Variants in POLQ observed in about 807,000 individuals in gnomAD.
POLQ encodes the protein DNA polymerase theta.
A neutral mutation model predicts 259.2 loss-of-function variants in POLQ; 233 were observed. The observed-to-expected ratio is 0.90, with a 90% CI of 0.81 to 1.00. The LOEUF (loss-of-function observed/expected upper bound fraction) is 1.00, where lower values mean the gene tolerates loss of function less well. Ranked by LOEUF, POLQ falls within the 50% of genes least tolerant of loss-of-function variation. POLQ has a pLI of 0.00. For synonymous variants in POLQ, 1,025 were observed against 1,048.8 expected (o/e 0.98, Z 0.44); for missense variants, 2,871 against 3,051.6 (o/e 0.94, Z 1.39).
intron 22 of POLQ, among the ~76,000 whole-genome samples, chr3:121,468,688 T>C (rs2047859269): frequency 6.6e-6 from 1 of 152,190 alleles, no homozygotes; most frequent in Non-Finnish European, 1.5e-5. Flanking sequence ...CAATGAGAAG[T>C]AATTTGATAA....
intron 25 of POLQ, among the ~76,000 whole-genome samples, chr3:121,453,458 T>C (rs1429670748): frequency 1.3e-5 from 2 of 152,122 alleles, no homozygotes; most frequent in East Asian, 3.9e-4. Context: ...CAGGAGGAAA[T>C]TCAAGCAAAA....
Position 121,539,454 on chromosome 3 carries a change from C to G in POLQ, c.610G>C (p.Glu204Gln), listed in dbSNP as rs1459626443. 3 of 1,603,354 alleles carry G rather than the reference C, an allele frequency of 1.9e-6. No individual in the cohort carries two copies. The highest frequency in any genetic ancestry group is 2.5e-6 in the Non-Finnish European group (3 of 1,177,100). Residue 204 changes from glutamate to glutamine, a missense_variant, in exon 4 of 30, where the codon GAA becomes CAA. Physicochemically the swap from Glu to Gln is conservative, Grantham distance 29 (BLOSUM62 2). Transcript: ENST00000264233. Reference sequence around the variant, plus strand: ...TTACCTAACAGATCCATCTTATTTTCCTCTATGAGGCGATTGATCAGACCA... The same window carrying G: ...TTACCTAACAGATCCATCTTATTTTGCTCTATGAGGCGATTGATCAGACCA... ...ANGLINRLIE[E>Q]NKMDLLGMVV...
chr3:121,445,227 T>C (rs1244689094), intron 26 of POLQ, among the ~76,000 whole-genome samples: 2 of 152,198 alleles, frequency 1.3e-5, no homozygotes, highest in South Asian at 2.1e-4. Flanking sequence ...AGGGAAGCCA[T>C]TGAGTCCCAG....
chr3:121,534,590 G>C (rs1341752997), intron 5 of POLQ, among the ~76,000 whole-genome samples: 1 of 152,110 alleles, frequency 6.6e-6, no homozygotes, highest in East Asian at 1.9e-4. Flanking sequence ...CAAAGTGCTG[G>C]GATTACAGGC....
chr3:121,446,421 T>C (rs1576399133), intron 26 of POLQ, among the ~76,000 whole-genome samples: 2 of 152,338 alleles, frequency 1.3e-5, no homozygotes, highest in East Asian at 1.9e-4. Flanking sequence ...TTAAATGAAA[T>C]GTTCTGTAAA....
chr3:121,494,445 G>A (rs2048097582), intron 14 of POLQ: 2 of 1,523,634 alleles, frequency 1.3e-6, no homozygotes, highest in Non-Finnish European at 1.8e-6. Context: ...AAGAAGCAGA[G>A]GCTGTTGGCC....
chr3:121,455,003 G>C (rs939397731), intron 25 of POLQ, among the ~76,000 whole-genome samples: 3 of 152,102 alleles, frequency 2.0e-5, no homozygotes, highest in African/African-American at 7.2e-5. Flanking sequence ...CTCAGCAAAT[G>C]TAAAAGAACA....
At chr3:121,465,117 T>C (rs550295857) in intron 24 of POLQ, among the ~76,000 whole-genome samples, 1 of 151,770 alleles carries the variant, frequency 6.6e-6, no homozygotes, top group Non-Finnish European at 1.5e-5. Context: ...CATAGGGTCT[T>C]GCTTTTTCGC....
At chr3:121,435,336 AAAGT>A (rs1419058418) in intron 28 of POLQ, among the ~76,000 whole-genome samples, 5 of 152,234 alleles carry the variant, frequency 3.3e-5, no homozygotes, top group Non-Finnish European at 7.3e-5. Context: ...AAATATTCTG[AAAGT>A]AAGAACAAGA....
In POLQ at chr3:121,490,362, G is replaced by A. The variant is rs1209570313; in HGVS notation, c.2569C>T (p.Arg857Cys). 3.0e-5 allele frequency: 48 copies of A among 1,614,086 alleles called. No individual in the cohort carries two copies. The highest frequency in any genetic ancestry group is 4.5e-5 in the East Asian group (2 of 44,896). The stretch of plus-strand genomic sequence containing the variant: ...GTCACCCAGATAGTTCGCATATTGC[G>A]ACGTTCTTCAACTGCTTCCTCTTCC... ...DEEEEAVEER[R>C]NMRTIWVTGR... Residue 857 changes from arginine (R) to cysteine (C), a missense_variant, in exon 16 of 30, where the codon CGC becomes TGC. Around this residue, in one of 3 missense-constraint regions of POLQ, gnomAD observed 2,080 missense variants for 2,126.0 expected, o/e 0.98. Transcript: ENST00000264233.
chr3:121,470,986 A>G (rs947757244), intron 22 of POLQ, among the ~76,000 whole-genome samples: 3 of 152,172 alleles, frequency 2.0e-5, no homozygotes, highest in Admixed American at 6.5e-5. Context: ...GAGGTTAAGT[A>G]TCTTGTCTAA....
At chr3:121,528,402 G>C (rs935103390) in intron 7 of POLQ, among the ~76,000 whole-genome samples, 5 of 150,554 alleles carry the variant, frequency 3.3e-5, no homozygotes, top group Admixed American at 2.0e-4. Context: ...GGAGTGCAAT[G>C]GCATGATCTC....
intron 26 of POLQ, among the ~76,000 whole-genome samples, chr3:121,445,862 C>CAA (rs35509569): frequency 2.8e-5 from 4 of 143,986 alleles, no homozygotes; most frequent in African/African-American, 7.7e-5. Context: ...CACTCCATCT[C>CAA]AAAAAAAAAA....
intron 24 of POLQ, among the ~76,000 whole-genome samples, chr3:121,466,283 G>GAAA (rs769191331): frequency 1.3e-5 from 1 of 78,280 alleles, no homozygotes; most frequent in Admixed American, 1.6e-4. Context: ...AAGCTGCAAG[G>GAAA]AAAAAAAAAA....
intron 5 of POLQ, among the ~76,000 whole-genome samples, chr3:121,534,589 G>A (rs913437384): frequency 1.3e-5 from 2 of 152,140 alleles, no homozygotes; most frequent in African/African-American, 4.8e-5. Flanking sequence ...CCAAAGTGCT[G>A]GGATTACAGG....
intron 19 of POLQ, among the ~76,000 whole-genome samples, chr3:121,480,792 G>A (rs758009168): frequency 6.6e-6 from 1 of 152,178 alleles, no homozygotes; most frequent in Non-Finnish European, 1.5e-5. Flanking sequence ...ATAAGAACCA[G>A]ACTTACAGTT....
chr3:121,466,254 A>C (rs2047834614), intron 24 of POLQ, among the ~76,000 whole-genome samples: 2 of 151,406 alleles, frequency 1.3e-5, no homozygotes, highest in African/African-American at 4.8e-5. Context: ...AATTTCTATG[A>C]AGGCTGAGAG....
chr3:121,508,242 C>G (rs1204913297), intron 12 of POLQ, among the ~76,000 whole-genome samples: 1 of 152,136 alleles, frequency 6.6e-6, no homozygotes, highest in Non-Finnish European at 1.5e-5. Flanking sequence ...CATACTAACA[C>G]TGCCAACAGT....
At chr3:121,462,296 C>T (rs1428396626) in intron 24 of POLQ, among the ~76,000 whole-genome samples, 1 of 152,100 alleles carries the variant, frequency 6.6e-6, no homozygotes, top group Non-Finnish European at 1.5e-5. Context: ...TGTTAGACAA[C>T]AAGCCATGCA....
Sources: allele counts gnomAD v4.1 joint callset (sites outside exome capture counted in the v4.1 genomes callset), GRCh38; gene constraint gnomAD v4.1.1; regional missense constraint gnomAD v4.1.1; transcripts MANE v1.5; gene names NCBI Gene and HGNC (gene_info 2026-07-23, HGNC 2026-07-21).